The following PPARG variants were observed in gnomAD, a reference collection of about 807,000 sequenced individuals.
The protein encoded by PPARG is peroxisome proliferator activated receptor gamma.
PPARG carries 17 observed loss-of-function variants against 39.2 expected under a neutral mutation model. The observed-to-expected ratio is 0.43, with a 90% CI of 0.30 to 0.65. The LOEUF (loss-of-function observed/expected upper bound fraction) is 0.65, where lower values mean the gene tolerates loss of function less well. Among genes scored for constraint, PPARG ranks in the 30% least tolerant of loss-of-function variants. The pLI, the probability that PPARG is intolerant of heterozygous loss-of-function variation, is 0.13. For synonymous variants in PPARG, 223 were observed against 215.7 expected (o/e 1.03, Z -0.30); for missense variants, 406 against 585.9 (o/e 0.69, Z 3.17).
intron 4 of PPARG, among the ~76,000 whole-genome samples, chr3:12,385,067 T>G (rs565954058): frequency 3.3e-5 from 5 of 152,188 alleles, no homozygotes; most frequent in Non-Finnish European, 7.3e-5. Context: ...GACCAGTGGC[T>G]GTCAGTAAAG....
At chr3:12,399,360 A>G in intron 5 of PPARG, 1 of 456,594 alleles carries the variant, frequency 2.2e-6, no homozygotes, top group Non-Finnish European at 4.4e-6. Context: ...GAACTACAAA[A>G]GGATAGTTAT....
rs41484149 is a variant in PPARG, at chr3:12,381,531, T to C, written c.390+40T>C. Reference sequence around the variant, plus strand: ...AGTCTTCAAAGAAATTGTTGAAACTTTATTATTTCATTTCAGCAGAACCCC... The same window carrying C: ...AGTCTTCAAAGAAATTGTTGAAACTCTATTATTTCATTTCAGCAGAACCCC... On this transcript the variant is annotated intron_variant, in intron 4 of 7. Coordinates refer to ENST00000651735, the MANE Select transcript of PPARG (RefSeq NM_138711.6). 4.8e-5 allele frequency: 77 copies of C among 1,595,504 alleles called. 1 individual carries two copies. The highest frequency in any genetic ancestry group is 1.7e-4 in the Admixed American group (10 of 59,354).
intron 2 of PPARG, among the ~76,000 whole-genome samples, chr3:12,334,506 C>T (rs2047954469): frequency 6.6e-6 from 1 of 152,066 alleles, no homozygotes; most frequent in Non-Finnish European, 1.5e-5. Context: ...GTTGGGATTA[C>T]AGGTGTGGAA....
chr3:12,338,030 C>T (rs2048064411), intron 2 of PPARG, among the ~76,000 whole-genome samples: 2 of 152,132 alleles, frequency 1.3e-5, no homozygotes, highest in African/African-American at 2.4e-5. Flanking sequence ...TATCCTTCTG[C>T]CTCTTCAGTC....
chr3:12,432,536 G>T (rs145131631), intron 7 of PPARG, among the ~76,000 whole-genome samples: 2 of 152,312 alleles, frequency 1.3e-5, no homozygotes, highest in East Asian at 3.9e-4. Context: ...CATCATAGTT[G>T]CTGATAAACC....
chr3:12,402,965 C>T (rs2050528974), intron 5 of PPARG, among the ~76,000 whole-genome samples: 1 of 152,124 alleles, frequency 6.6e-6, no homozygotes, highest in African/African-American at 2.4e-5. Flanking sequence ...CTCTAGATGA[C>T]TTATAATATC....
At chr3:12,338,092 G>T (rs138374959) in intron 2 of PPARG, among the ~76,000 whole-genome samples, 1 of 152,256 alleles carries the variant, frequency 6.6e-6, no homozygotes, top group East Asian at 1.9e-4. Flanking sequence ...GTGAATACCA[G>T]ATCTTAGATC....
At chr3:12,300,039 A>C (rs1331144355) in intron 1 of PPARG, among the ~76,000 whole-genome samples, 1 of 152,234 alleles carries the variant, frequency 6.6e-6, no homozygotes, top group Non-Finnish European at 1.5e-5. Flanking sequence ...ATAAATTCTG[A>C]ACCACATGAA....
At chr3:12,351,931 G>A (rs1363195150) in intron 2 of PPARG, among the ~76,000 whole-genome samples, 1 of 152,136 alleles carries the variant, frequency 6.6e-6, no homozygotes, top group Non-Finnish European at 1.5e-5. Flanking sequence ...TAAAGGTATA[G>A]TTATATCCAA....
At chr3:12,354,376 C>A (rs2048587177) in intron 2 of PPARG, among the ~76,000 whole-genome samples, 1 of 152,046 alleles carries the variant, frequency 6.6e-6, no homozygotes, top group African/African-American at 2.4e-5. Flanking sequence ...GCAAGTAGAT[C>A]TAAAGCCCTA....
At chr3:12,376,324 T>C (rs962558301) in intron 2 of PPARG, among the ~76,000 whole-genome samples, 6 of 151,928 alleles carry the variant, frequency 3.9e-5, no homozygotes, top group Non-Finnish European at 5.9e-5. Flanking sequence ...GCCTTTGGAG[T>C]GAATTTCTTG....
chr3:12,423,637 G>A (rs1262720789), intron 7 of PPARG, among the ~76,000 whole-genome samples: 1 of 152,138 alleles, frequency 6.6e-6, no homozygotes, highest in African/African-American at 2.4e-5. Flanking sequence ...CTAGTTAACT[G>A]GAGAGGAGAC....
At chr3:12,407,878 A>G (rs1012466185) in intron 6 of PPARG, among the ~76,000 whole-genome samples, 3 of 152,304 alleles carry the variant, frequency 2.0e-5, no homozygotes, top group African/African-American at 4.8e-5. Flanking sequence ...CCTGGATTCA[A>G]TTCTTTACAG....
rs761090684 is a variant in PPARG, at chr3:12,372,128, C to T, written c.-8-7576C>T. 1.1e-5 allele frequency: 8 copies of T among 719,684 alleles called. No homozygotes were observed. In the South Asian group the frequency reaches 1.2e-4, roughly 11 times the overall value. The allele number at this position is 719,684 out of a possible 1,614,324, so 44.6% of individuals were successfully genotyped here. On this transcript the variant is annotated intron_variant, in intron 2 of 7. Transcript: ENST00000651735. ...GCTTTTCAGGCACGTACTCTTGTTG[C>T]CTAGCTGAACACATTTCTCCAATAA...
intron 2 of PPARG, among the ~76,000 whole-genome samples, chr3:12,368,093 A>T (rs1049827354): frequency 1.3e-5 from 2 of 152,086 alleles, no homozygotes; most frequent in Admixed American, 1.3e-4. Context: ...GTCTAAGTAG[A>T]CAATAAAATG....
chr3:12,429,681 G>T (rs772198848), intron 7 of PPARG, among the ~76,000 whole-genome samples: 1 of 152,036 alleles, frequency 6.6e-6, no homozygotes, highest in South Asian at 2.1e-4. Context: ...GGCCTCTCTC[G>T]GCACCTGTCT....
intron 2 of PPARG, among the ~76,000 whole-genome samples, chr3:12,363,113 T>C (rs2048905801): frequency 6.6e-6 from 1 of 152,072 alleles, no homozygotes; most frequent in Non-Finnish European, 1.5e-5. Flanking sequence ...AGAGACAGGG[T>C]CTCACTGTGT....
At position 12,405,904 on chromosome 3, in the gene PPARG, A is replaced by G; in HGVS notation, c.552A>G (p.Pro184=). The change falls in exon 6 of 8, where the codon CCA becomes CCG. Residue 184 remains proline (P), a synonymous_variant. Coordinates refer to ENST00000651735, the MANE Select transcript of PPARG (RefSeq NM_138711.6). ...TAGCCATCAGGTTTGGGCGGATGCC[A>G]CAGGCCGAGAAGGAGAAGCTGTTGG... ...SHNAIRFGRM[P]QAEKEKLLAE... The G allele has an allele frequency of 6.2e-7, 1 of 1,614,154 alleles. No individual in the cohort carries two copies. The highest frequency in any genetic ancestry group is 8.5e-7 in the Non-Finnish European group (1 of 1,180,024).
At chr3:12,419,578 C>A (rs970894342) in intron 7 of PPARG, among the ~76,000 whole-genome samples, 3 of 152,174 alleles carry the variant, frequency 2.0e-5, no homozygotes, top group Non-Finnish European at 2.9e-5. Context: ...AAGTGACTCT[C>A]CTGCCTCAGC....
Sources: gnomAD v4.1 joint callset for allele counts (sites outside exome capture counted in the v4.1 genomes callset) on GRCh38, gnomAD v4.1.1 for gene constraint, MANE v1.5 for transcripts, NCBI Gene and HGNC (gene_info 2026-07-23, HGNC 2026-07-21) for gene names.